FDFT1: variants seen among roughly 807,000 people sequenced by gnomAD.
FDFT1 encodes the protein farnesyl-diphosphate farnesyltransferase 1.
FDFT1 carries 68 observed loss-of-function variants against 46.8 expected under a neutral mutation model. That is an observed-to-expected ratio of 1.45 (90% CI 1.19 to 1.78). The LOEUF (loss-of-function observed/expected upper bound fraction) is 1.78. FDFT1 is among the 40% of genes most tolerant of loss of function. The pLI is 0.00. For missense variants in FDFT1, 928 were observed against 524.4 expected (o/e 1.77, Z -7.52); for synonymous variants, 351 against 185.1 (o/e 1.90, Z -7.28).
At chr8:11,808,415 G>A in intron 1 of FDFT1, 1 of 1,256,356 alleles carries the variant, frequency 8.0e-7, no homozygotes, top group Non-Finnish European at 1.0e-6. Flanking sequence ...GGTCGGCCCA[G>A]CGCGTATTCG....
In FDFT1 at chr8:11,835,756, T is replaced by C. The variant is rs546834999; in HGVS notation, c.1033-2632T>C. 2.1e-4 allele frequency among the ~76,000 whole-genome samples: 32 copies of C among 151,862 alleles called. 1 individual carries two copies. The South Asian group carries it at 5.6e-3, about 27-fold the overall frequency. The stretch of plus-strand genomic sequence containing the variant: ...CAGAATTAACCCAGGAATGAATAAG[T>C]GTGTAGTTTGGTGCTGATGTTATCA... On this transcript the variant is annotated intron_variant, in intron 7 of 7. Coordinates refer to ENST00000220584, the MANE Select transcript of FDFT1 (RefSeq NM_004462.5).
At chr8:11,832,473 C>T (rs1213554232) in intron 7 of FDFT1, among the ~76,000 whole-genome samples, 1 of 142,610 alleles carries the variant, frequency 7.0e-6, no homozygotes, top group East Asian at 2.1e-4. Flanking sequence ...TCACATGAGC[C>T]TGAGAGGTCG....
At chr8:11,826,432 T>C (rs768805387) in intron 5 of FDFT1, among the ~76,000 whole-genome samples, 6 of 152,218 alleles carry the variant, frequency 3.9e-5, no homozygotes, top group Admixed American at 1.3e-4. Flanking sequence ...CAAGCCTTGC[T>C]GTCCTTGATT....
intron 1 of FDFT1, chr8:11,807,796 T>C (rs899398925): frequency 1.3e-5 from 2 of 152,190 alleles, no homozygotes; most frequent in Non-Finnish European, 2.9e-5. Flanking sequence ...TAGAGAATAG[T>C]AGAGGCTTAA....
chr8:11,833,489 C>G (rs568249537), intron 7 of FDFT1, among the ~76,000 whole-genome samples: 2 of 152,208 alleles, frequency 1.3e-5, no homozygotes, highest in Non-Finnish European at 2.9e-5. Context: ...AGTTTGATCA[C>G]TAGTTTTAGA....
At chr8:11,799,425 T>G (rs893958794), upstream of FDFT1, among the ~76,000 whole-genome samples, 1 of 152,222 alleles carries the variant, frequency 6.6e-6, no homozygotes, top group Non-Finnish European at 1.5e-5. Flanking sequence ...CTTAGTTGAT[T>G]CTTCAAGTGT....
At position 11,809,793 on chromosome 8, in the gene FDFT1, C is replaced by T. The variant is rs745862193; in HGVS notation, c.324C>T (p.Asp108=). 6.2e-7 allele frequency: 1 copy of T among 1,614,204 alleles called. No homozygotes were observed. The highest frequency in any genetic ancestry group is 8.5e-7 in the Non-Finnish European group (1 of 1,180,028). Residue 108 remains aspartate, a synonymous_variant, in exon 3 of 8, where the codon GAC becomes GAT. Transcript: ENST00000220584. ...HNFHSFLYQP[D]WRFMESKEKD... ...TTCACTCTTTCCTTTACCAACCAGA[C>T]TGGCGGTTCATGGAGAGCAAGGAGA...
At chr8:11,808,266 G>C (rs1056473137) in intron 1 of FDFT1, 2 of 1,213,736 alleles carry the variant, frequency 1.6e-6, no homozygotes, top group Non-Finnish European at 2.0e-6. Flanking sequence ...CTGGGAGGAC[G>C]AGCGAGCCGC....
intron 2 of FDFT1, chr8:11,809,448 C>T: frequency 7.8e-7 from 1 of 1,277,786 alleles, no homozygotes; most frequent in Non-Finnish European, 9.9e-7. Context: ...TGACATTCAA[C>T]TAGTAGGCTT....
At chr8:11,798,967 C>T (rs545503699), upstream of FDFT1, among the ~76,000 whole-genome samples, 64 of 152,284 alleles carry the variant, frequency 4.2e-4, no homozygotes, top group African/African-American at 1.5e-3. Flanking sequence ...AAGGAAAAGG[C>T]GTTTGAGGTA....
chr8:11,808,276 C>T (rs951253988), intron 1 of FDFT1: 1 of 1,219,216 alleles, frequency 8.2e-7, no homozygotes, highest in Non-Finnish European at 1.0e-6. Flanking sequence ...GAGCGAGCCG[C>T]TCGGAAGTGC....
At chr8:11,817,610 A>T (rs1240106476) in intron 3 of FDFT1, among the ~76,000 whole-genome samples, 1 of 152,210 alleles carries the variant, frequency 6.6e-6, no homozygotes, top group Non-Finnish European at 1.5e-5. Context: ...GTATGTGTCG[A>T]GGAATGTATC....
intron 5 of FDFT1, among the ~76,000 whole-genome samples, chr8:11,829,509 T>TA (rs1647548705): frequency 6.6e-6 from 1 of 152,228 alleles, no homozygotes; most frequent in Non-Finnish European, 1.5e-5. Flanking sequence ...AATATAATGT[T>TA]AGTCATTATT....
At position 11,802,753 on chromosome 8, in the gene FDFT1, C is replaced by T; in HGVS notation, c.-80C>T. 1 of 1,136,200 alleles carries T rather than the reference C, an allele frequency of 8.8e-7. No homozygotes were observed. The highest frequency in any genetic ancestry group is 1.3e-6 in the Non-Finnish European group (1 of 769,188). 70.4% of individuals were successfully genotyped at this position (1,136,200 alleles called of 1,614,324 possible). On this transcript the variant is annotated 5_prime_UTR_variant, in exon 1 of 8. Transcript: ENST00000220584. Reference sequence around the variant, plus strand: ...CGGCCAGCCCCTCGAAGCACCTACTCCACAGGTCCAGCCGGCCGGTGAGCG... The same window carrying T: ...CGGCCAGCCCCTCGAAGCACCTACTTCACAGGTCCAGCCGGCCGGTGAGCG...
chr8:11,807,359 C>G (rs187598925), intron 1 of FDFT1, among the ~76,000 whole-genome samples: 170 of 152,246 alleles, frequency 1.1e-3, no homozygotes, highest in Non-Finnish European at 1.9e-3. Context: ...CACGAGGTCT[C>G]ACTATGTTGC....
intron 2 of FDFT1, 58 bp downstream of exon 2, chr8:11,808,949 T>G (rs2130720028): frequency 6.3e-7 from 1 of 1,578,456 alleles, no homozygotes; most frequent in African/African-American, 1.3e-5. Flanking sequence ...GACCTTTGAG[T>G]GTGTTGGAAG....
At chr8:11,830,563 C>T (rs887463788) in intron 6 of FDFT1, 143 bp downstream of exon 6, 1 of 639,732 alleles carries the variant, frequency 1.6e-6, no homozygotes. Context: ...AGTTTCATAG[C>T]ACCCGCCTTT....
chr8:11,818,759 G>A (rs114036433), intron 3 of FDFT1, among the ~76,000 whole-genome samples: 2,035 of 152,152 alleles, frequency 0.013, 45 homozygotes, highest in African/African-American at 0.047. Flanking sequence ...CTGCACGTGA[G>A]ACGGGTCTCC....
At chr8:11,813,449 T>C (rs1808011383) in intron 3 of FDFT1, among the ~76,000 whole-genome samples, 5 of 152,372 alleles carry the variant, frequency 3.3e-5, no homozygotes. Flanking sequence ...AATTACCTAG[T>C]ACATAATGTA....
Sources: allele counts gnomAD v4.1 joint callset (sites outside exome capture counted in the v4.1 genomes callset), GRCh38; gene constraint gnomAD v4.1.1; transcripts MANE v1.5; gene names NCBI Gene and HGNC (gene_info 2026-07-23, HGNC 2026-07-21).